Variants in CRYBA4 observed in about 807,000 individuals in gnomAD.
CRYBA4 encodes the protein crystallin beta A4.
A neutral mutation model predicts 31.7 loss-of-function variants in CRYBA4; 30 were observed. The ratio of observed to expected loss-of-function variants is 0.95; its 90% CI spans 0.71 to 1.28. The LOEUF is 1.28. CRYBA4 is among the 50% of genes most tolerant of loss of function. The pLI, the probability that CRYBA4 is intolerant of heterozygous loss-of-function variation, is 0.00. For synonymous variants in CRYBA4, 102 were observed against 102.3 expected, an observed-to-expected ratio of 1.00 and a Z score of 0.02; for missense variants, 225 against 260.7, an observed-to-expected ratio of 0.86 and a Z score of 0.94.
At chr22:26,598,575 G>T in the CRYBA4 span, among the ~76,000 whole-genome samples, 1 of 151,972 alleles carries the variant, frequency 6.6e-6, no homozygotes, top group East Asian at 1.9e-4. Context: ...GTAGAGATGG[G>T]GTTTCGCGAT....
At chr22:26,627,572 T>G (rs1929787561) in intron 4 of CRYBA4, among the ~76,000 whole-genome samples, 1 of 147,718 alleles carries the variant, frequency 6.8e-6, no homozygotes, top group Non-Finnish European at 1.5e-5. Flanking sequence ...TTCTCTGTCT[T>G]TCTTTTTCTT....
the CRYBA4 span, among the ~76,000 whole-genome samples, chr22:26,593,297 C>CT: frequency 6.6e-6 from 1 of 152,118 alleles, no homozygotes; most frequent in African/African-American, 2.4e-5. Context: ...TCCAAAAATT[C>CT]TTTCCAGCTC....
chr22:26,598,943 G>T, the CRYBA4 span, among the ~76,000 whole-genome samples: 1 of 152,174 alleles, frequency 6.6e-6, no homozygotes. Context: ...TTCAAGTCTT[G>T]ACTTGCTAAC....
At chr22:26,601,196 A>G in the CRYBA4 span, among the ~76,000 whole-genome samples, 1 of 152,182 alleles carries the variant, frequency 6.6e-6, no homozygotes. Flanking sequence ...GTTTACCTAG[A>G]GGAGATCAAG....
rs937056824 is a variant in CRYBA4, at chr22:26,627,405, T to C, written c.301-883T>C. Among the ~76,000 whole-genome samples, 52 of 95,916 alleles carry C rather than the reference T, an allele frequency of 5.4e-4. 1 individual carries two copies. Among genetic ancestry groups the C allele is most frequent in the African/African-American group, 1.5e-3 (23 of 15,638 alleles). The allele number at this position is 95,916 out of a possible 152,430, so 62.9% of individuals were successfully genotyped here. ...CTTTCTTTCTTTCTTTCTTTCTTTC[T>C]TTCTTTCTTTCTTTCTTTCTTTTTC... On this transcript the variant is annotated intron_variant, in intron 4 of 5. Coordinates refer to ENST00000354760, the MANE Select transcript of CRYBA4 (RefSeq NM_001886.3).
In CRYBA4 at chr22:26,629,276, C is replaced by CTTT. The variant is rs796660077; in HGVS notation, c.443+856_443+858dup. ...AAAGATGGGAGGTAGGGTTTTTCAT[C>CTTT]TTTTTTTTTTTTCTTTTTTTGGCTT... is the stretch of plus-strand genomic sequence containing the variant. On this transcript the variant is annotated intron_variant, in intron 5 of 5. Transcript: ENST00000354760. 8.0e-3 allele frequency among the ~76,000 whole-genome samples: 1,159 copies of CTTT among 145,576 alleles called. 19 individuals carry two copies. Among genetic ancestry groups the CTTT allele is most frequent in the African/African-American group, 0.028 (1,108 of 39,936 alleles).
the CRYBA4 span, among the ~76,000 whole-genome samples, chr22:26,596,468 T>A: frequency 3.3e-5 from 5 of 152,346 alleles, no homozygotes; most frequent in African/African-American, 1.2e-4. Context: ...CTTATCAGAT[T>A]GATACACTGA....
At chr22:26,615,272 C>A in the CRYBA4 span, among the ~76,000 whole-genome samples, 2 of 152,192 alleles carry the variant, frequency 1.3e-5, no homozygotes, top group Non-Finnish European at 2.9e-5. Flanking sequence ...GCCCAGACCA[C>A]CTCGAGCAAT....
At chr22:26,590,853 G>A in the CRYBA4 span, among the ~76,000 whole-genome samples, 1 of 152,052 alleles carries the variant, frequency 6.6e-6, no homozygotes, top group East Asian at 1.9e-4. Context: ...CAAAACTCCT[G>A]ACTGATAAAT....
upstream of CRYBA4, among the ~76,000 whole-genome samples, chr22:26,618,796 C>T (rs145859084): frequency 3.3e-5 from 5 of 152,316 alleles, no homozygotes; most frequent in East Asian, 1.9e-4. Flanking sequence ...ATGGGAGAGT[C>T]GCACTGTGCT....
At chr22:26,619,852 G>A (rs1000675947), upstream of CRYBA4, among the ~76,000 whole-genome samples, 5 of 152,256 alleles carry the variant, frequency 3.3e-5, no homozygotes, top group African/African-American at 1.2e-4. Flanking sequence ...TGGGCTGTCT[G>A]CCAGAGGGTG....
intron 4 of CRYBA4, among the ~76,000 whole-genome samples, chr22:26,627,492 CTTT>C (rs1325476405): frequency 0.45 from 6,298 of 14,082 alleles, 743 homozygotes; most frequent in East Asian, 0.63. Context: ...CTTTCCTTTT[CTTT>C]CTTTCTTTCT....
intron 4 of CRYBA4, 63 bp from the exon 5 acceptor site, chr22:26,628,214 TGTGGAGGCCAG>T (rs1929809208): frequency 6.2e-7 from 1 of 1,602,748 alleles, no homozygotes; most frequent in African/African-American, 1.3e-5. Flanking sequence ...GGGCAGGGAG[TGTGGAGGCCAG>T]GAGAGGCTCC....
the CRYBA4 span, among the ~76,000 whole-genome samples, chr22:26,610,948 G>T: frequency 5.9e-3 from 901 of 152,290 alleles, 2 homozygotes; most frequent in Non-Finnish European, 9.9e-3. Flanking sequence ...CTTTCAAAGT[G>T]GGGGAGACAA....
the CRYBA4 span, among the ~76,000 whole-genome samples, chr22:26,607,019 C>CT: frequency 0.28 from 31,047 of 111,926 alleles, 5,441 homozygotes; most frequent in African/African-American, 0.31. Flanking sequence ...TATCCCTCTC[C>CT]TTTTTTTTTT....
At chr22:26,617,053 C>G (rs1353695632), upstream of CRYBA4, among the ~76,000 whole-genome samples, 2 of 152,320 alleles carry the variant, frequency 1.3e-5, no homozygotes, top group South Asian at 4.1e-4. Context: ...CTCCTTTCCC[C>G]GTCTGCTTCC....
the CRYBA4 span, among the ~76,000 whole-genome samples, chr22:26,614,813 C>T: frequency 1.3e-5 from 2 of 151,934 alleles, no homozygotes; most frequent in African/African-American, 2.4e-5. Context: ...TCTCATAATT[C>T]GGTCTCAAAA....
At chr22:26,612,466 G>A in the CRYBA4 span, among the ~76,000 whole-genome samples, 2 of 152,110 alleles carry the variant, frequency 1.3e-5, no homozygotes, top group African/African-American at 2.4e-5. Context: ...AGGCTCAAGC[G>A]ATCCTCCCAC....
chr22:26,627,599 TC>T (rs1222763514), intron 4 of CRYBA4, among the ~76,000 whole-genome samples: 1 of 142,240 alleles, frequency 7.0e-6, no homozygotes, highest in Non-Finnish European at 1.5e-5. Flanking sequence ...TCTCTTTCTT[TC>T]TTTCTCTTTC....
Sources: allele counts gnomAD v4.1 joint callset (sites outside exome capture counted in the v4.1 genomes callset), GRCh38; gene constraint gnomAD v4.1.1; transcripts MANE v1.5; gene names NCBI Gene and HGNC (gene_info 2026-07-23, HGNC 2026-07-21).